The following GABBR2 variants were observed in gnomAD, a reference collection of about 807,000 sequenced individuals.
The protein encoded by GABBR2 is gamma-aminobutyric acid type B receptor subunit 2, also known as G-protein coupled receptor 51.
GABBR2 carries 23 observed loss-of-function variants against 105.6 expected under a neutral mutation model. The observed-to-expected ratio is 0.22, with a 90% CI of 0.16 to 0.31. GABBR2 has a LOEUF of 0.31. Ranked by LOEUF, GABBR2 falls within the 10% of genes least tolerant of loss-of-function variation. The pLI is 1.00. For missense variants in GABBR2, 734 were observed against 1,245.5 expected, an observed-to-expected ratio of 0.59 and a Z score of 6.18; for synonymous variants, 478 against 499.7, an observed-to-expected ratio of 0.96 and a Z score of 0.58.
At chr9:98,663,070 A>G (rs1450583925) in intron 1 of GABBR2, among the ~76,000 whole-genome samples, 1 of 152,234 alleles carries the variant, frequency 6.6e-6, no homozygotes, top group Non-Finnish European at 1.5e-5. Flanking sequence ...ATAATGCCCT[A>G]GTAAGTATCC....
intron 17 of GABBR2, among the ~76,000 whole-genome samples, chr9:98,296,698 G>C (rs1176438061): frequency 6.6e-6 from 1 of 152,068 alleles, no homozygotes; most frequent in East Asian, 1.9e-4. Flanking sequence ...ACTCTCTTTT[G>C]CTCATTTTTC....
At chr9:98,442,775 C>T (rs1025501638) in intron 7 of GABBR2, among the ~76,000 whole-genome samples, 1 of 152,186 alleles carries the variant, frequency 6.6e-6, no homozygotes, top group African/African-American at 2.4e-5. Context: ...CAGTCACCTT[C>T]TGGTGGTTGG....
chr9:98,538,688 C>T (rs1200419329), intron 3 of GABBR2: 2 of 552,364 alleles, frequency 3.6e-6, no homozygotes, highest in Non-Finnish European at 4.6e-6. Flanking sequence ...CCCCCTCCGA[C>T]TTCAGGATTT....
chr9:98,490,086 C>G (rs1424899443), intron 4 of GABBR2, among the ~76,000 whole-genome samples: 2 of 152,190 alleles, frequency 1.3e-5, no homozygotes, highest in Non-Finnish European at 2.9e-5. Context: ...GAGCAACACA[C>G]CTACACGCAA....
intron 3 of GABBR2, among the ~76,000 whole-genome samples, chr9:98,517,846 G>A (rs1286267583): frequency 4.6e-5 from 7 of 151,922 alleles, no homozygotes; most frequent in Non-Finnish European, 7.4e-5. Flanking sequence ...GGAGTCAGAG[G>A]GCCAATGGGA....
At chr9:98,614,881 C>G (rs1829558323) in intron 1 of GABBR2, among the ~76,000 whole-genome samples, 1 of 152,136 alleles carries the variant, frequency 6.6e-6, no homozygotes. Context: ...GGAGCTGGCT[C>G]TTTTTAACAC....
In GABBR2 at chr9:98,672,756, GTTTATC is replaced by G. The variant is rs33981085; in HGVS notation, c.321+35655_321+35660del. ...ATTATCTGCTGATGGGAACTAGACA[GTTTATC>G]TTTAAAGTCTGTCCAAAGCTTTTAA... On this transcript the variant is annotated intron_variant, in intron 1 of 18. Transcript: ENST00000259455. 5.3e-3 allele frequency among the ~76,000 whole-genome samples: 810 copies of G among 152,330 alleles called. 5 individuals carry two copies. Among genetic ancestry groups the G allele is most frequent in the African/African-American group, 0.018 (768 of 41,578 alleles).
intron 1 of GABBR2, among the ~76,000 whole-genome samples, chr9:98,644,727 G>A (rs1305093226): frequency 6.6e-6 from 1 of 152,156 alleles, no homozygotes; most frequent in Non-Finnish European, 1.5e-5. Flanking sequence ...AGCTACTCAG[G>A]AGGCTGAGGC....
chr9:98,392,102 G>T (rs1186460829), intron 9 of GABBR2, among the ~76,000 whole-genome samples: 4 of 152,114 alleles, frequency 2.6e-5, no homozygotes, highest in Non-Finnish European at 5.9e-5. Flanking sequence ...GAAGCAGGAA[G>T]TATGCCTGGC....
chr9:98,489,708 C>T (rs751261361), intron 4 of GABBR2, among the ~76,000 whole-genome samples: 1 of 151,880 alleles, frequency 6.6e-6, no homozygotes, highest in Non-Finnish European at 1.5e-5. Context: ...CCTACGGCGA[C>T]CATCACACAA....
chr9:98,573,760 C>T (rs2131775948), intron 2 of GABBR2, among the ~76,000 whole-genome samples: 1 of 152,286 alleles, frequency 6.6e-6, no homozygotes, highest in East Asian at 1.9e-4. Context: ...CTGTTAGTCT[C>T]CTAAGAAGTC....
intron 3 of GABBR2, among the ~76,000 whole-genome samples, chr9:98,510,768 A>T (rs1393215617): frequency 4.0e-5 from 6 of 151,306 alleles, no homozygotes; most frequent in Admixed American, 1.3e-4. Flanking sequence ...CAGATTCATA[A>T]AGCAAGTCCT....
chr9:98,703,470 G>A (rs1404631746), intron 1 of GABBR2, among the ~76,000 whole-genome samples: 3 of 152,108 alleles, frequency 2.0e-5, no homozygotes, highest in Non-Finnish European at 2.9e-5. Context: ...AAGAGCTCAC[G>A]TTCTTTTTAA....
chr9:98,544,014 C>T (rs1204392130), intron 2 of GABBR2, among the ~76,000 whole-genome samples: 1 of 151,960 alleles, frequency 6.6e-6, no homozygotes, highest in Non-Finnish European at 1.5e-5. Context: ...TCTGTCCTCC[C>T]TCCTTCCCTC....
At chr9:98,511,784 A>G (rs995960600) in intron 3 of GABBR2, among the ~76,000 whole-genome samples, 5 of 152,138 alleles carry the variant, frequency 3.3e-5, no homozygotes, top group African/African-American at 1.2e-4. Flanking sequence ...CAACCAAAAA[A>G]ATTCCAGGAC....
At chr9:98,369,069 T>C (rs184144088) in intron 12 of GABBR2, among the ~76,000 whole-genome samples, 1 of 152,354 alleles carries the variant, frequency 6.6e-6, no homozygotes, top group Admixed American at 6.5e-5. Flanking sequence ...AAAGCCCTCA[T>C]TTCAACTGGC....
At chr9:98,502,671 G>T (rs1315472295) in intron 3 of GABBR2, among the ~76,000 whole-genome samples, 1 of 152,194 alleles carries the variant, frequency 6.6e-6, no homozygotes. Flanking sequence ...GCCCTCCATG[G>T]ATGCAAGGTG....
intron 13 of GABBR2, among the ~76,000 whole-genome samples, chr9:98,347,140 C>T (rs1397425793): frequency 1.3e-5 from 2 of 152,122 alleles, no homozygotes; most frequent in Non-Finnish European, 2.9e-5. Flanking sequence ...TTTTAGTTTC[C>T]TGAGAAACCC....
intron 1 of GABBR2, among the ~76,000 whole-genome samples, chr9:98,702,986 T>C (rs778639792): frequency 6.6e-5 from 10 of 152,186 alleles, no homozygotes; most frequent in Non-Finnish European, 1.0e-4. Context: ...TCTCTCATCA[T>C]GAAAGGAGGG....
Sources: allele counts gnomAD v4.1 joint callset (sites outside exome capture counted in the v4.1 genomes callset), GRCh38; gene constraint gnomAD v4.1.1; transcripts MANE v1.5; gene names NCBI Gene and HGNC (gene_info 2026-07-23, HGNC 2026-07-21).